Variants in LTBP1 observed in about 807,000 individuals in gnomAD.
The protein encoded by LTBP1 is latent transforming growth factor beta binding protein 1.
LTBP1 carries 129 observed loss-of-function variants against 207.6 expected under a neutral mutation model. The observed-to-expected ratio is 0.62, with a 90% CI of 0.54 to 0.72. The LOEUF is 0.72. LTBP1 is among the 30% of genes least tolerant of loss of function. LTBP1 has a pLI of 0.00. For missense variants in LTBP1, 2,281 were observed against 2,217.2 expected, an observed-to-expected ratio of 1.03 and a Z score of -0.58; for synonymous variants, 963 against 833.7, an observed-to-expected ratio of 1.16 and a Z score of -2.67.
intron 3 of LTBP1, among the ~76,000 whole-genome samples, chr2:33,068,333 T>C (rs896310087): frequency 1.3e-5 from 2 of 152,016 alleles, no homozygotes; most frequent in Admixed American, 6.6e-5. Flanking sequence ...GAAATAGATA[T>C]ATAGTCCATA....
At chr2:33,354,159 G>A (rs986159129) in intron 26 of LTBP1, among the ~76,000 whole-genome samples, 2 of 152,038 alleles carry the variant, frequency 1.3e-5, no homozygotes, top group African/African-American at 4.8e-5. Flanking sequence ...CACCGCGCTC[G>A]GCCGTGCATG....
intron 3 of LTBP1, among the ~76,000 whole-genome samples, chr2:33,053,997 A>G (rs1461258144): frequency 6.6e-6 from 1 of 152,358 alleles, no homozygotes; most frequent in East Asian, 1.9e-4. Flanking sequence ...GACCATCCAC[A>G]TAAGTTGGGA....
intron 5 of LTBP1, among the ~76,000 whole-genome samples, chr2:33,139,133 C>T (rs2082423861): frequency 6.6e-6 from 1 of 152,120 alleles, no homozygotes; most frequent in Admixed American, 6.5e-5. Flanking sequence ...GCTGGGATTA[C>T]AGGCGTGAGC....
chr2:32,952,693 T>C (rs761806415), intron 2 of LTBP1, among the ~76,000 whole-genome samples: 2 of 152,206 alleles, frequency 1.3e-5, no homozygotes, highest in Non-Finnish European at 2.9e-5. Flanking sequence ...CCTGCATTGG[T>C]TCTGCCAGTC....
intron 19 of LTBP1, among the ~76,000 whole-genome samples, chr2:33,290,769 C>A (rs1422451856): frequency 1.3e-5 from 2 of 152,038 alleles, no homozygotes; most frequent in African/African-American, 4.8e-5. Flanking sequence ...TGAAAAATAA[C>A]ATAAAGAAAA....
At position 33,134,099 on chromosome 2, in the gene LTBP1, G is replaced by C. The variant is rs1292030905; in HGVS notation, c.1034-694G>C. On this transcript the variant is annotated intron_variant, in intron 4 of 33. Coordinates refer to ENST00000404816, the MANE Select transcript of LTBP1 (RefSeq NM_206943.4). The surrounding 1 kb of genome is among the most constrained non-coding windows in gnomAD (Gnocchi z 4.4). Reference sequence around the variant, plus strand: ...TTTAGGGAGGCAACCATTTATCCCTGTGACCTGGCTTACCCCTTTAAAGAT... The same window carrying C: ...TTTAGGGAGGCAACCATTTATCCCTCTGACCTGGCTTACCCCTTTAAAGAT... Among the ~76,000 whole-genome samples the C allele has an allele frequency of 6.6e-6, 1 of 152,188 alleles. No homozygotes were observed. Among genetic ancestry groups the C allele is most frequent in the African/African-American group, 2.4e-5 (1 of 41,448 alleles).
intron 2 of LTBP1, among the ~76,000 whole-genome samples, chr2:32,964,347 C>T (rs1215587922): frequency 1.3e-5 from 2 of 152,088 alleles, no homozygotes; most frequent in African/African-American, 4.8e-5. Flanking sequence ...GACTGTTTTC[C>T]CCATTATGCA....
At chr2:33,209,039 T>G (rs1241944047) in intron 7 of LTBP1, among the ~76,000 whole-genome samples, 5 of 152,054 alleles carry the variant, frequency 3.3e-5, no homozygotes, top group South Asian at 2.1e-4. Flanking sequence ...GGCTATTTTT[T>G]TGTGTGTGTT....
intron 5 of LTBP1, among the ~76,000 whole-genome samples, chr2:33,146,658 G>A (rs998006241): frequency 2.0e-5 from 3 of 152,190 alleles, no homozygotes; most frequent in Admixed American, 2.0e-4. Flanking sequence ...CATGGTTGGG[G>A]AGGCCTCAGG....
intron 7 of LTBP1, among the ~76,000 whole-genome samples, chr2:33,191,290 T>C (rs1331635621): frequency 6.6e-6 from 1 of 152,214 alleles, no homozygotes; most frequent in Non-Finnish European, 1.5e-5. Flanking sequence ...TTGAAATGAA[T>C]TGGCTAATTG....
intron 31 of LTBP1, among the ~76,000 whole-genome samples, chr2:33,369,678 C>T (rs2095044243): frequency 6.6e-6 from 1 of 152,156 alleles, no homozygotes; most frequent in Non-Finnish European, 1.5e-5. Flanking sequence ...CCACCTATTA[C>T]AGGCGCGCAC....
Position 33,134,574 on chromosome 2 carries a change from C to T in LTBP1, c.1034-219C>T. 1 of 1,534,912 alleles carries T rather than the reference C, an allele frequency of 6.5e-7. No homozygotes were observed. Among genetic ancestry groups the T allele is most frequent in the African/African-American group, 1.4e-5 (1 of 72,902 alleles). On this transcript the variant is annotated intron_variant, in intron 4 of 33. Coordinates refer to ENST00000404816, the MANE Select transcript of LTBP1 (RefSeq NM_206943.4). This position sits in a 1 kb window ranked among gnomAD's most constrained non-coding sequence, Gnocchi z 4.4. ...GGAGTGCATCCCAGAGTTCTGTTTG[C>T]TAAGCTTCCTACTCCTGTTTCAGAG...
intron 3 of LTBP1, among the ~76,000 whole-genome samples, chr2:33,081,141 G>A (rs2078371060): frequency 6.6e-6 from 1 of 151,710 alleles, no homozygotes; most frequent in South Asian, 2.1e-4. Flanking sequence ...AAGCCCCTTT[G>A]TTCAGTTCTT....
chr2:33,291,185 C>G (rs907119810), intron 19 of LTBP1, among the ~76,000 whole-genome samples: 1 of 152,220 alleles, frequency 6.6e-6, no homozygotes, highest in East Asian at 1.9e-4. Flanking sequence ...TCAAGGCATT[C>G]TGCTTCATCA....
intron 7 of LTBP1, among the ~76,000 whole-genome samples, chr2:33,200,970 G>A (rs2089175354): frequency 6.6e-6 from 1 of 152,150 alleles, no homozygotes; most frequent in Non-Finnish European, 1.5e-5. Flanking sequence ...TAAAAAGTCA[G>A]GAAACAACAG....
chr2:33,052,627 A>C (rs1488443518), intron 3 of LTBP1, among the ~76,000 whole-genome samples: 1 of 152,254 alleles, frequency 6.6e-6, no homozygotes, highest in African/African-American at 2.4e-5. Flanking sequence ...AGTAAAGAAG[A>C]AAGTGTGATC....
Position 33,378,221 on chromosome 2 carries a change from G to GTGTT in LTBP1, c.4712-10962_4712-10961insGTTT, listed in dbSNP as rs143728872. Among the ~76,000 whole-genome samples, 114 of 140,318 alleles carry GTGTT rather than the reference G, an allele frequency of 8.1e-4. 1 individual carries two copies. Among genetic ancestry groups the GTGTT allele is most frequent in the African/African-American group, 3.1e-3 (111 of 35,636 alleles). 92.1% of individuals were successfully genotyped at this position (140,318 alleles called of 152,430 possible). On this transcript the variant is annotated intron_variant, in intron 31 of 33. Transcript: ENST00000404816. ...TGTGTGTGTGTGTGTGTGTGTGTGT[G>GTGTT]TTTTGTTTGTTTGTTTGTTTTGGAG... is the stretch of plus-strand genomic sequence containing the variant.
chr2:33,139,712 G>C (rs1364793131), intron 5 of LTBP1, among the ~76,000 whole-genome samples: 1 of 152,336 alleles, frequency 6.6e-6, no homozygotes, highest in South Asian at 2.1e-4. Context: ...ATGCATGGGG[G>C]AGTAGAGGGA....
chr2:33,100,660 C>T (rs531088370), intron 3 of LTBP1, among the ~76,000 whole-genome samples: 2 of 152,110 alleles, frequency 1.3e-5, no homozygotes, highest in African/African-American at 4.8e-5. Flanking sequence ...TTCATCACCC[C>T]AAGGAGAAAC....
Sources: gnomAD v4.1 joint callset for allele counts (sites outside exome capture counted in the v4.1 genomes callset) on GRCh38, gnomAD v4.1.1 for gene constraint, Gnocchi (gnomAD v3.1) non-coding constraint, MANE v1.5 for transcripts, NCBI Gene and HGNC (gene_info 2026-07-23, HGNC 2026-07-21) for gene names.